PIK3C2B: variants seen among roughly 807,000 people sequenced by gnomAD.
PIK3C2B encodes the protein phosphatidylinositol 4-phosphate 3-kinase C2 domain-containing subunit beta.
Under a neutral mutation model 184.3 loss-of-function variants are expected in PIK3C2B, and 83 were observed. That is an observed-to-expected ratio of 0.45 (90% CI 0.38 to 0.54). The LOEUF is 0.54. PIK3C2B is among the 20% of genes least tolerant of loss of function. PIK3C2B has a pLI of 0.00. For synonymous variants in PIK3C2B, 779 were observed against 837.6 expected (o/e 0.93, Z 1.21); for missense variants, 1,736 against 2,113.5 (o/e 0.82, Z 3.50).
chr1:204,485,040 T>C (rs1416347418), intron 1 of PIK3C2B, among the ~76,000 whole-genome samples: 3 of 149,062 alleles, frequency 2.0e-5, no homozygotes, highest in Non-Finnish European at 4.5e-5. Context: ...AGTCTTCCAG[T>C]CTTTTTTTTT....
intron 1 of PIK3C2B, among the ~76,000 whole-genome samples, chr1:204,480,687 G>A (rs952305509): frequency 6.6e-6 from 1 of 152,000 alleles, no homozygotes; most frequent in African/African-American, 2.4e-5. Context: ...GGCTGTGTGG[G>A]TGGTGGGCTG....
intron 16 of PIK3C2B, among the ~76,000 whole-genome samples, chr1:204,445,688 C>T (rs1384055141): frequency 6.6e-6 from 1 of 151,452 alleles, no homozygotes; most frequent in Non-Finnish European, 1.5e-5. Flanking sequence ...ATCCAGCACA[C>T]AGAGCAAATG....
chr1:204,444,240 G>C, intron 17 of PIK3C2B, 78 bp from the exon 18 acceptor site: 1 of 1,423,580 alleles, frequency 7.0e-7, no homozygotes, highest in Non-Finnish European at 9.9e-7. Flanking sequence ...TATTGCACTG[G>C]GATCTCTGGT....
At chr1:204,454,501 GAGTC>G (rs999201900) in intron 12 of PIK3C2B, 164 bp downstream of exon 12, 4 of 419,544 alleles carry the variant, frequency 9.5e-6, no homozygotes, top group Non-Finnish European at 1.7e-5. Flanking sequence ...AAAAAAAAAA[GAGTC>G]AGGGAAGTGG....
Position 204,424,511 on chromosome 1 carries a change from A to AAC in PIK3C2B, c.*340_*341insGT. ...TTTAAAAATAAAAATTAAGATATCC[A>AAC]CCCACCCACCCCCAAAATGCTACTT... On this transcript the variant is annotated 3_prime_UTR_variant, in exon 33 of 33. Transcript: ENST00000684373. 1.2e-5 allele frequency: 3 copies of AAC among 250,228 alleles called. No individual in the cohort carries two copies. The highest frequency in any genetic ancestry group is 1.5e-5 in the Non-Finnish European group (2 of 129,554). The allele number at this position is 250,228 out of a possible 1,614,324, so 15.5% of individuals were successfully genotyped here.
At chr1:204,460,513 C>A in intron 6 of PIK3C2B, 37 bp downstream of exon 6, 1 of 1,581,040 alleles carries the variant, frequency 6.3e-7, no homozygotes, top group South Asian at 1.1e-5. Context: ...TTCCACCTCC[C>A]CAGCCCTGGG....
chr1:204,459,525 T>A (rs61762591), intron 8 of PIK3C2B, among the ~76,000 whole-genome samples: 33 of 152,302 alleles, frequency 2.2e-4, no homozygotes, highest in African/African-American at 7.9e-4. Context: ...TGGAGGTTTC[T>A]GACATTGCTC....
rs370027311 is a variant in PIK3C2B, at chr1:204,457,086, A to C, written c.1714-16T>G. 2 of 1,559,854 alleles carry C rather than the reference A, an allele frequency of 1.3e-6. No homozygotes were observed. Among genetic ancestry groups the C allele is most frequent in the African/African-American group, 2.7e-5 (2 of 73,510 alleles). On this transcript the variant is annotated splice_polypyrimidine_tract_variant and intron_variant, in intron 9 of 32. Transcript: ENST00000684373. ...CACTGGGATCCTGTTGGGAAAAAGA[A>C]GAGGGAGGGGAGCTTCAGGGCCATA...
chr1:204,479,146 T>G (rs752486625), intron 1 of PIK3C2B, among the ~76,000 whole-genome samples: 96 of 152,280 alleles, frequency 6.3e-4, no homozygotes, highest in Admixed American at 1.1e-3. Flanking sequence ...GAATGGAACA[T>G]TTGGCAAAGA....
intron 2 of PIK3C2B, among the ~76,000 whole-genome samples, chr1:204,467,536 T>C (rs1317226140): frequency 2.3e-4 from 35 of 152,070 alleles, no homozygotes; most frequent in Admixed American, 2.3e-3. Flanking sequence ...TGCTAAGCTG[T>C]CACAGAAGGC....
chr1:204,483,527 G>A (rs1657357127), intron 1 of PIK3C2B, among the ~76,000 whole-genome samples: 1 of 152,164 alleles, frequency 6.6e-6, no homozygotes, highest in Admixed American at 6.5e-5. Context: ...GTCGCCTGGG[G>A]AACAAGAGCA....
intron 1 of PIK3C2B, among the ~76,000 whole-genome samples, chr1:204,483,678 G>C (rs1200966372): frequency 6.6e-6 from 1 of 152,206 alleles, no homozygotes; most frequent in Non-Finnish European, 1.5e-5. Flanking sequence ...AATTAGTTTT[G>C]ATGTTGCTTT....
Position 204,444,088 on chromosome 1 carries a change from T to C in PIK3C2B, c.2847A>G (p.Arg949=). The C allele has an allele frequency of 6.2e-7, 1 of 1,612,686 alleles. No individual in the cohort carries two copies. Among genetic ancestry groups the C allele is most frequent in the South Asian group, 1.1e-5 (1 of 91,036 alleles). ...TTTACCAGAAGAAGTAGTGAGTCAC[T>C]CTCAAGTCAGACACAGCTCGTTTCA... The part of the protein sequence containing the change: ...FLLKRAVSDL[R]VTHYFFWLLK... The change falls in exon 18 of 33, where the codon AGA becomes AGG. Residue 949 remains arginine (R), a synonymous_variant. Transcript: ENST00000684373.
At chr1:204,455,214 T>C (rs1048879818) in intron 11 of PIK3C2B, among the ~76,000 whole-genome samples, 1 of 151,992 alleles carries the variant, frequency 6.6e-6, no homozygotes. Flanking sequence ...TCATGACAGG[T>C]GCCTGACAGA....
At position 204,427,687 on chromosome 1, in the gene PIK3C2B, G is replaced by A. The variant is rs768520004; in HGVS notation, c.4548C>T (p.Asn1516=). The A allele has an allele frequency of 6.2e-7, 1 of 1,613,928 alleles. No individual in the cohort carries two copies. The highest frequency in any genetic ancestry group is 1.1e-5 in the South Asian group (1 of 91,078). ...GEVKLSISYK[N]NKLFIMVMHI... is the part of the protein sequence containing the mutation. Reference sequence around the variant, plus strand: ...GCATCACCATGATGAAGAGTTTATTGTTTTTGTAGGAGATGGACAGCTTCA... The same window carrying A: ...GCATCACCATGATGAAGAGTTTATTATTTTTGTAGGAGATGGACAGCTTCA... The change falls in exon 31 of 33, where the codon AAC becomes AAT. Residue 1516 remains asparagine, a synonymous_variant. Coordinates refer to ENST00000684373, the MANE Select transcript of PIK3C2B (RefSeq NM_001377334.1).
rs1035268655 is a variant in PIK3C2B at position 204,424,271 on chromosome 1, G to A, written c.*581C>T. On this transcript the variant is annotated 3_prime_UTR_variant, in exon 33 of 33. Transcript: ENST00000684373. ...CCTGTCCTTAGAGAGGGCTCTGGCC[G>A]AGGACCCACTGGGCCCCTCCCCAGA... is the stretch of plus-strand genomic sequence containing the variant. The A allele has an allele frequency of 1.1e-4, 20 of 187,274 alleles. No homozygotes were observed. Among genetic ancestry groups the A allele is most frequent in the Middle Eastern group, 2.5e-3 (1 of 408 alleles). 11.6% of individuals were successfully genotyped at this position (187,274 alleles called of 1,614,324 possible).
At chr1:204,460,785 T>G (rs1655271961) in intron 5 of PIK3C2B, 124 bp from the exon 6 acceptor site, 1 of 669,656 alleles carries the variant, frequency 1.5e-6, no homozygotes, top group Admixed American at 2.2e-5. Flanking sequence ...GTACCCGTGT[T>G]GTACCCTACT....
intron 30 of PIK3C2B, 117 bp downstream of exon 30, chr1:204,428,022 G>A (rs1674839805): frequency 1.5e-6 from 1 of 674,024 alleles, no homozygotes; most frequent in South Asian, 1.8e-5. Context: ...CAGAGAGTAA[G>A]AAAAGGAACA....
At chr1:204,493,491 G>T (rs2010432) in intron 1 of PIK3C2B, among the ~76,000 whole-genome samples, 24,272 of 145,838 alleles carry the variant, frequency 0.17, 2,356 homozygotes, top group East Asian at 0.39. Flanking sequence ...GAGGAGAAAA[G>T]GCAGGCCTGA....
Sources: allele counts gnomAD v4.1 joint callset (sites outside exome capture counted in the v4.1 genomes callset), GRCh38; gene constraint gnomAD v4.1.1; transcripts MANE v1.5; gene names NCBI Gene and HGNC (gene_info 2026-07-23, HGNC 2026-07-21).